Variants in LMNA observed in about 807,000 individuals in gnomAD.
LMNA encodes the protein lamin A/C.
LMNA carries 20 observed loss-of-function variants against 70.4 expected under a neutral mutation model. The observed-to-expected ratio is 0.28, with a 90% CI of 0.20 to 0.41. The LOEUF (loss-of-function observed/expected upper bound fraction) is 0.41, where lower values mean the gene tolerates loss of function less well. Among genes scored for constraint, LMNA ranks in the 10% least tolerant of loss-of-function variants. LMNA has a pLI of 1.00. For missense variants in LMNA, 652 were observed against 917.2 expected (o/e 0.71, Z 3.73); for synonymous variants, 339 against 372.8 (o/e 0.91, Z 1.04).
rs941014297 is a variant in LMNA, at chr1:156,115,446, A to T, written c.356+172A>T. 6.6e-6 allele frequency among the ~76,000 whole-genome samples: 1 copy of T among 152,200 alleles called. No individual in the cohort carries two copies. Among genetic ancestry groups the T allele is most frequent in the Non-Finnish European group, 1.5e-5 (1 of 68,022 alleles). ...CGGGTGACTGGCAGTGTCAAGGGGAATTGTCAAGACAGGACAGAGAGGGAA... is the reference window on the plus strand; with the variant it reads ...CGGGTGACTGGCAGTGTCAAGGGGATTTGTCAAGACAGGACAGAGAGGGAA... On this transcript the variant is annotated intron_variant, in intron 1 of 11. Coordinates refer to ENST00000368300, the MANE Select transcript of LMNA (RefSeq NM_170707.4). The surrounding 1 kb of genome is among the most constrained non-coding windows in gnomAD (Gnocchi z 5.8).
intron 2 of LMNA, among the ~76,000 whole-genome samples, chr1:156,088,899 G>A (rs1336580497): frequency 6.6e-6 from 1 of 152,186 alleles, no homozygotes; most frequent in Non-Finnish European, 1.5e-5. Flanking sequence ...TGATCCACCT[G>A]CCTCAGTCTC....
intron 2 of LMNA, among the ~76,000 whole-genome samples, chr1:156,090,086 A>C (rs1053166929): frequency 6.6e-6 from 1 of 152,102 alleles, no homozygotes; most frequent in Non-Finnish European, 1.5e-5. Flanking sequence ...TGTCCTTCCT[A>C]GGTTGTTGAG....
Position 156,136,539 on chromosome 1 carries a change from G to T in LMNA, c.1380+103G>T. 8.4e-7 allele frequency: 1 copy of T among 1,190,810 alleles called. No homozygotes were observed. The allele number at this position is 1,190,810 out of a possible 1,614,324, so 73.8% of individuals were successfully genotyped here. A position where few individuals can be genotyped will look rare whatever the true frequency, so the allele number is the denominator to read the frequency against. Reference sequence around the variant, plus strand: ...GAGAGGAACATCCTTGCCCTCAGAGGGTGGACCAGGGTGAGCCTGTATATC... The same window carrying T: ...GAGAGGAACATCCTTGCCCTCAGAGTGTGGACCAGGGTGAGCCTGTATATC... On this transcript the variant is annotated intron_variant, in intron 7 of 11. Transcript: ENST00000368300. This position sits in a 1 kb window ranked among gnomAD's most constrained non-coding sequence, Gnocchi z 6.1.
intron 1 of LMNA, chr1:156,126,437 G>T: frequency 1.6e-6 from 1 of 618,448 alleles, no homozygotes; most frequent in Non-Finnish European, 2.9e-6. Flanking sequence ...GCCTGTGGCC[G>T]GCCCTGGCTT....
Position 156,129,121 on chromosome 1 carries a change from G to A in LMNA, c.357-1496G>A, listed in dbSNP as rs73005001. 4.0e-3 allele frequency among the ~76,000 whole-genome samples: 612 copies of A among 152,332 alleles called. 5 individuals carry two copies. The highest frequency in any genetic ancestry group is 0.014 in the African/African-American group (594 of 41,564). On this transcript the variant is annotated intron_variant, in intron 1 of 11. Transcript: ENST00000368300. ...GACAGAGGAGGGAATACATTCTCCGGTTCTGGAAGGGGCTCTTTTTTGCAG... is the reference window on the plus strand; with the variant it reads ...GACAGAGGAGGGAATACATTCTCCGATTCTGGAAGGGGCTCTTTTTTGCAG...
At chr1:156,107,344 G>A (rs1046912084) in intron 3 of LMNA, among the ~76,000 whole-genome samples, 3 of 152,208 alleles carry the variant, frequency 2.0e-5, no homozygotes, top group African/African-American at 7.2e-5. Context: ...CATCTGTCCA[G>A]TGTGGCTGCC....
In LMNA at chr1:156,103,290, G is replaced by A. The variant is rs149147946; in HGVS notation, c.-206-11423G>A. 3.3e-5 allele frequency among the ~76,000 whole-genome samples: 5 copies of A among 152,188 alleles called. No individual in the cohort carries two copies. The highest frequency in any genetic ancestry group is 5.9e-5 in the Non-Finnish European group (4 of 68,036). On this transcript the variant is annotated intron_variant, in intron 3 of 12. Coordinates refer to the LMNA transcript ENST00000368301. The surrounding 1 kb of genome is among the most constrained non-coding windows in gnomAD (Gnocchi z 4.7). Reference sequence around the variant, plus strand: ...CAGTTTCCAGAGGGCCTGTGGCTGAGGGTGAGAAGCCAGCGATCGACCCCC... The same window carrying A: ...CAGTTTCCAGAGGGCCTGTGGCTGAAGGTGAGAAGCCAGCGATCGACCCCC...
Position 156,134,372 on chromosome 1 carries a change from C to T in LMNA, c.514-31C>T, listed in dbSNP as rs768833611. ...TTCCAGTTCTTGTGTTCTGTGACCCCTTTTCCTCATCTCTGCCTGCTTCCT... is the reference window on the plus strand; with the variant it reads ...TTCCAGTTCTTGTGTTCTGTGACCCTTTTTCCTCATCTCTGCCTGCTTCCT... On this transcript the variant is annotated intron_variant, in intron 2 of 11. Coordinates refer to ENST00000368300, the MANE Select transcript of LMNA (RefSeq NM_170707.4). This position sits in a 1 kb window ranked among gnomAD's most constrained non-coding sequence, Gnocchi z 5.3. 19 of 1,613,114 alleles carry T rather than the reference C, an allele frequency of 1.2e-5. No homozygotes were observed. Among genetic ancestry groups the T allele is most frequent in the Non-Finnish European group, 1.5e-5 (18 of 1,179,682 alleles).
In LMNA at chr1:156,138,841, GA is replaced by G. The variant is rs1453840065; in HGVS notation, c.1968+85del. 6.4e-7 allele frequency: 1 copy of G among 1,554,656 alleles called. No individual in the cohort carries two copies. On this transcript the variant is annotated intron_variant, in intron 11 of 11. Transcript: ENST00000368300. This position sits in a 1 kb window ranked among gnomAD's most constrained non-coding sequence, Gnocchi z 5.5. ...TAGGACGAGGTGGCCTTGCAGGGGG[GA>G]GAGCCTGCCTTCTCTTCCGCAGCCC...
chr1:156,092,156 A>T (rs1648730361), intron 3 of LMNA, among the ~76,000 whole-genome samples: 1 of 151,826 alleles, frequency 6.6e-6, no homozygotes, highest in Non-Finnish European at 1.5e-5. Context: ...GACCTCAGGT[A>T]ATCCACTCAC....
chr1:156,100,150 G>A (rs1425914378), intron 3 of LMNA, among the ~76,000 whole-genome samples: 1 of 152,112 alleles, frequency 6.6e-6, no homozygotes, highest in Non-Finnish European at 1.5e-5. Context: ...CTGGAAGCAG[G>A]TTCCTCTCCA....
At chr1:156,127,428 G>T (rs1042777361) in intron 1 of LMNA, among the ~76,000 whole-genome samples, 1 of 151,786 alleles carries the variant, frequency 6.6e-6, no homozygotes, top group African/African-American at 2.4e-5. Flanking sequence ...CATCTGCAGG[G>T]TGTGTCTTAG....
upstream of LMNA, among the ~76,000 whole-genome samples, chr1:156,111,313 G>A (rs956961379): frequency 1.3e-5 from 2 of 152,044 alleles, no homozygotes; most frequent in African/African-American, 2.4e-5. Context: ...GCCGGGCGTG[G>A]TGGCACACGC....
chr1:156,114,415 A>C (rs1649659006), upstream of LMNA, among the ~76,000 whole-genome samples: 4 of 145,560 alleles, frequency 2.7e-5, no homozygotes, highest in East Asian at 2.0e-4. Context: ...TTGCCCACCC[A>C]CTCTCCCTCC....
chr1:156,139,214 A>G lies in LMNA; in HGVS notation c.*108A>G. 1 of 1,563,188 alleles carries G rather than the reference A, an allele frequency of 6.4e-7. No homozygotes were observed. Among genetic ancestry groups the G allele is most frequent in the East Asian group, 2.3e-5 (1 of 43,956 alleles). Reference sequence around the variant, plus strand: ...TGGGAGGGGGCTTGAAGCCAAAGAAAAATAACCCTTTGGTTTTTTTCTTCT... The same window carrying G: ...TGGGAGGGGGCTTGAAGCCAAAGAAGAATAACCCTTTGGTTTTTTTCTTCT... On this transcript the variant is annotated 3_prime_UTR_variant, in exon 12 of 12. Coordinates refer to ENST00000368300, the MANE Select transcript of LMNA (RefSeq NM_170707.4).
intron 1 of LMNA, among the ~76,000 whole-genome samples, chr1:156,124,404 T>G (rs1650410875): frequency 6.6e-6 from 1 of 152,128 alleles, no homozygotes; most frequent in Admixed American, 6.6e-5. Flanking sequence ...TTCTCCTGCC[T>G]CAGCCTCCCA....
At chr1:156,093,298 A>AGTTTTTTTTTTT (rs1399858052) in intron 3 of LMNA, among the ~76,000 whole-genome samples, 1 of 137,222 alleles carries the variant, frequency 7.3e-6, no homozygotes, top group Non-Finnish European at 1.5e-5. Flanking sequence ...TTTATATGTC[A>AGTTTTTTTTTTT]ATTTTTTTTT....
intron 1 of LMNA, among the ~76,000 whole-genome samples, chr1:156,125,294 G>T (rs997986331): frequency 1.3e-5 from 2 of 152,186 alleles, no homozygotes; most frequent in African/African-American, 2.4e-5. Context: ...TGCAGTAGGA[G>T]GAGTTGCTGG....
At chr1:156,119,024 C>A (rs1468936404) in intron 1 of LMNA, among the ~76,000 whole-genome samples, 2 of 152,144 alleles carry the variant, frequency 1.3e-5, no homozygotes, top group Admixed American at 1.3e-4. Context: ...CAGCTCACTG[C>A]AACGTCAGCC....
Sources: allele counts gnomAD v4.1 joint callset (sites outside exome capture counted in the v4.1 genomes callset), GRCh38; gene constraint gnomAD v4.1.1; non-coding constraint Gnocchi (gnomAD v3.1); transcripts MANE v1.5; gene names NCBI Gene and HGNC (gene_info 2026-07-23, HGNC 2026-07-21).